CNTLN: variants seen among roughly 807,000 people sequenced by gnomAD.
CNTLN encodes centlein, centrosomal protein.
In CNTLN, 212 loss-of-function variants were observed where a neutral mutation model predicts 180.0. The observed-to-expected ratio is 1.18, with a 90% CI of 1.05 to 1.32. The LOEUF (loss-of-function observed/expected upper bound fraction) is 1.32. Ranked by LOEUF, CNTLN falls within the 40% of genes most tolerant of loss-of-function variation. The probability of loss-of-function intolerance (pLI) is 0.00; values close to 1 mark genes in which losing one functional copy is unlikely to be tolerated. For synonymous variants in CNTLN, 722 were observed against 563.1 expected (o/e 1.28, Z -3.99); for missense variants, 2,095 against 1,610.9 (o/e 1.30, Z -5.14).
intron 2 of CNTLN, among the ~76,000 whole-genome samples, chr9:17,205,634 G>A (rs1430690118): frequency 6.6e-6 from 1 of 152,198 alleles, no homozygotes; most frequent in Non-Finnish European, 1.5e-5. Flanking sequence ...TCAGGAGGAG[G>A]CCAGAGGGAT....
At chr9:17,151,587 T>C (rs980151568) in intron 2 of CNTLN, among the ~76,000 whole-genome samples, 4 of 152,250 alleles carry the variant, frequency 2.6e-5, no homozygotes, top group Non-Finnish European at 5.9e-5. Context: ...GATTTTCGCA[T>C]TGATGTTCAT....
At chr9:17,317,455 C>G (rs1016449917) in intron 8 of CNTLN, among the ~76,000 whole-genome samples, 1 of 152,008 alleles carries the variant, frequency 6.6e-6, no homozygotes, top group Non-Finnish European at 1.5e-5. Flanking sequence ...TATTGATATT[C>G]TACTATGTGT....
intron 14 of CNTLN, among the ~76,000 whole-genome samples, chr9:17,393,057 C>T (rs1399432641): frequency 6.6e-6 from 1 of 152,086 alleles, no homozygotes; most frequent in Non-Finnish European, 1.5e-5. Context: ...GTCCAAGATC[C>T]AAGTGTCCAA....
intron 8 of CNTLN, among the ~76,000 whole-genome samples, chr9:17,312,112 C>G (rs537974163): frequency 5.7e-4 from 87 of 151,858 alleles, no homozygotes; most frequent in Non-Finnish European, 9.3e-4. Flanking sequence ...TCTGTATGTT[C>G]TTGCTCCTTT....
At chr9:17,451,995 G>A (rs1830807360) in intron 18 of CNTLN, among the ~76,000 whole-genome samples, 1 of 152,158 alleles carries the variant, frequency 6.6e-6, no homozygotes, top group African/African-American at 2.4e-5. Context: ...TTCCCTTGGA[G>A]CACTGCTTGT....
the CNTLN span, among the ~76,000 whole-genome samples, chr9:17,511,132 A>AT: frequency 6.6e-6 from 1 of 151,948 alleles, no homozygotes; most frequent in Non-Finnish European, 1.5e-5. Context: ...TCACCCCAAC[A>AT]TTTGTCATCA....
chr9:17,173,788 T>G (rs1820553394), intron 2 of CNTLN, among the ~76,000 whole-genome samples: 1 of 152,188 alleles, frequency 6.6e-6, no homozygotes, highest in Non-Finnish European at 1.5e-5. Flanking sequence ...CTTTTCATTT[T>G]GAGATAATTG....
At chr9:17,474,143 G>A (rs142243416) in intron 23 of CNTLN, among the ~76,000 whole-genome samples, 4 of 152,158 alleles carry the variant, frequency 2.6e-5, no homozygotes, top group African/African-American at 9.6e-5. Flanking sequence ...TCTGACCTAT[G>A]ACTCCCTAAT....
rs1824564326 is a variant in CNTLN, at chr9:17,227,799, G to A, written c.534+1512G>A. On this transcript the variant is annotated intron_variant, in intron 3 of 25. Coordinates refer to ENST00000380647, the MANE Select transcript of CNTLN (RefSeq NM_017738.4). ...TAGAAAATGTCATAATTGGTACTAT[G>A]ATGATAAAATGTTAAGAATAACATT... is the stretch of plus-strand genomic sequence containing the variant. Among the ~76,000 whole-genome samples the A allele has an allele frequency of 2.0e-5, 3 of 152,128 alleles. No homozygotes were observed. In the South Asian group the frequency reaches 6.2e-4, roughly 32 times the overall value.
rs1818157884 is a variant in CNTLN, at chr9:17,299,068, C to T, written c.1146+716C>T. 1.7e-5 allele frequency: 6 copies of T among 363,586 alleles called. No homozygotes were observed. The South Asian group carries it at 6.7e-4, about 41-fold the overall frequency. 22.5% of individuals were successfully genotyped at this position (363,586 alleles called of 1,614,324 possible). On this transcript the variant is annotated intron_variant, in intron 7 of 25. Coordinates refer to ENST00000380647, the MANE Select transcript of CNTLN (RefSeq NM_017738.4). ...ACCATCCTGGCCAACATGATGAAAC[C>T]CTGTTTCTACTAAAAATACAAAAAG...
intron 12 of CNTLN, among the ~76,000 whole-genome samples, chr9:17,353,428 A>G (rs1208915316): frequency 6.6e-6 from 1 of 151,600 alleles, no homozygotes; most frequent in Non-Finnish European, 1.5e-5. Flanking sequence ...ATTATCGCCA[A>G]AATTGTGGGT....
chr9:17,203,448 C>T (rs1822691177), intron 2 of CNTLN, among the ~76,000 whole-genome samples: 1 of 152,172 alleles, frequency 6.6e-6, no homozygotes, highest in African/African-American at 2.4e-5. Flanking sequence ...TGGTTTCATT[C>T]TGTCACTTTA....
At chr9:17,251,707 G>C (rs1444484508) in intron 5 of CNTLN, among the ~76,000 whole-genome samples, 1 of 151,604 alleles carries the variant, frequency 6.6e-6, no homozygotes, top group African/African-American at 2.4e-5. Flanking sequence ...TGGGGTCTCC[G>C]TCACCTTGAG....
chr9:17,435,212 C>G (rs1351143307), intron 18 of CNTLN, among the ~76,000 whole-genome samples: 1 of 152,100 alleles, frequency 6.6e-6, no homozygotes, highest in Admixed American at 6.5e-5. Flanking sequence ...TAGGAATATT[C>G]AGTGGTTTTG....
intron 16 of CNTLN, among the ~76,000 whole-genome samples, chr9:17,413,101 G>A (rs189588852): frequency 7.2e-5 from 11 of 151,906 alleles, no homozygotes; most frequent in African/African-American, 2.7e-4. Context: ...TAATGGAACA[G>A]AGAATCTAGA....
At chr9:17,371,223 A>G (rs1200329854) in intron 13 of CNTLN, among the ~76,000 whole-genome samples, 1 of 152,282 alleles carries the variant, frequency 6.6e-6, no homozygotes, top group Non-Finnish European at 1.5e-5. Flanking sequence ...TCTGTTGTAT[A>G]TAAGAAACGC....
At chr9:17,266,018 C>CT (rs1015785138) in intron 5 of CNTLN, among the ~76,000 whole-genome samples, 173 of 151,946 alleles carry the variant, frequency 1.1e-3, no homozygotes, top group African/African-American at 4.1e-3. Context: ...TTTTGAAGGG[C>CT]TTTTTGTGTT....
chr9:17,138,962 A>C (rs1288756170), intron 1 of CNTLN, among the ~76,000 whole-genome samples: 1 of 152,232 alleles, frequency 6.6e-6, no homozygotes, highest in Non-Finnish European at 1.5e-5. Flanking sequence ...TATTTAGTCA[A>C]CTGTTTCATA....
At chr9:17,147,134 C>T (rs1019609544) in intron 2 of CNTLN, among the ~76,000 whole-genome samples, 1 of 152,130 alleles carries the variant, frequency 6.6e-6, no homozygotes, top group Non-Finnish European at 1.5e-5. Context: ...TGCCTATGGG[C>T]TTTTTGTAAG....
Sources: allele counts gnomAD v4.1 joint callset (sites outside exome capture counted in the v4.1 genomes callset), GRCh38; gene constraint gnomAD v4.1.1; transcripts MANE v1.5; gene names NCBI Gene and HGNC (gene_info 2026-07-23, HGNC 2026-07-21).